Variants in SSX2IP observed in about 807,000 individuals in gnomAD.
SSX2IP encodes the protein SSX family member 2 interacting protein.
A neutral mutation model predicts 84.9 loss-of-function variants in SSX2IP; 55 were observed. The ratio of observed to expected loss-of-function variants is 0.65; its 90% confidence interval spans 0.52 to 0.81. The LOEUF is 0.81. SSX2IP is among the 30% of genes least tolerant of loss of function. The probability of loss-of-function intolerance (pLI) is 0.00; values close to 1 mark genes in which losing one functional copy is unlikely to be tolerated. For missense variants in SSX2IP, 664 were observed against 705.2 expected, an observed-to-expected ratio of 0.94 and a Z score of 0.66; for synonymous variants, 239 against 234.7, an observed-to-expected ratio of 1.02 and a Z score of -0.17.
At chr1:84,675,410 G>GT (rs1654189331) in intron 1 of SSX2IP, among the ~76,000 whole-genome samples, 1 of 152,200 alleles carries the variant, frequency 6.6e-6, no homozygotes, top group Non-Finnish European at 1.5e-5. Context: ...TGAAAGGCAA[G>GT]TAAGTCTTGG....
chr1:84,665,129 GAC>G (rs1171796803), intron 5 of SSX2IP, among the ~76,000 whole-genome samples: 1 of 152,162 alleles, frequency 6.6e-6, no homozygotes, highest in Non-Finnish European at 1.5e-5. Flanking sequence ...GGCAACTCCT[GAC>G]AGAGTATGTC....
chr1:84,652,036 A>G (rs758079139), intron 11 of SSX2IP, 39 bp from the exon 12 acceptor site: 47 of 1,441,712 alleles, frequency 3.3e-5, no homozygotes, highest in Non-Finnish European at 4.3e-5. Flanking sequence ...TCAATATTTC[A>G]ACATCCACAC....
chr1:84,655,262 G>C, intron 11 of SSX2IP: 5 of 949,352 alleles, frequency 5.3e-6, no homozygotes, highest in Non-Finnish European at 6.5e-6. Flanking sequence ...GGATGAGAAA[G>C]GAGGATACTT....
At position 84,657,981 on chromosome 1, in the gene SSX2IP, C is replaced by G. The variant is rs1369039839; in HGVS notation, c.1078+337G>C. 2.0e-5 allele frequency among the ~76,000 whole-genome samples: 3 copies of G among 151,888 alleles called. No individual in the cohort carries two copies. The East Asian group carries it at 5.8e-4, about 30-fold the overall frequency. On this transcript the variant is annotated intron_variant, in intron 9 of 13. Coordinates refer to ENST00000342203, the MANE Select transcript of SSX2IP (RefSeq NM_001166293.2). Reference sequence around the variant, plus strand: ...AAACCCCATCTCTACTAAAAACACACCAAAAAATTAGCTGGCTATGATGTG... The same window carrying G: ...AAACCCCATCTCTACTAAAAACACAGCAAAAAATTAGCTGGCTATGATGTG...
chr1:84,665,077 C>A (rs1161990151), intron 5 of SSX2IP, among the ~76,000 whole-genome samples: 1 of 152,132 alleles, frequency 6.6e-6, no homozygotes, highest in Non-Finnish European at 1.5e-5. Context: ...TACTAGGTGC[C>A]AGACACTGCT....
chr1:84,664,327 G>T (rs927854058), intron 6 of SSX2IP, 90 bp downstream of exon 6: 2 of 1,207,402 alleles, frequency 1.7e-6, no homozygotes, highest in African/African-American at 1.6e-5. Context: ...ATAACATTTC[G>T]TGAGTTACTG....
chr1:84,668,490 T>G (rs2102404902), intron 4 of SSX2IP, among the ~76,000 whole-genome samples: 1 of 152,200 alleles, frequency 6.6e-6, no homozygotes, highest in South Asian at 2.1e-4. Flanking sequence ...AAAACATTAT[T>G]AAGAGAAAAC....
At chr1:84,648,178 G>T (rs1333646149) in intron 13 of SSX2IP, among the ~76,000 whole-genome samples, 2 of 151,938 alleles carry the variant, frequency 1.3e-5, no homozygotes, top group African/African-American at 4.8e-5. Context: ...AATATAAACC[G>T]AGATCCAAAA....
chr1:84,645,962 A>T lies in SSX2IP; in HGVS notation c.*1471T>A, dbSNP rs2102094171. On this transcript the variant is annotated 3_prime_UTR_variant, in exon 14 of 14. Coordinates refer to ENST00000342203, the MANE Select transcript of SSX2IP (RefSeq NM_001166293.2). ...ATGATATCCTATCAGCCCTGAAAAA[A>T]TGGCTGCTGCTATGCAACTCCAAAG... 1 of 152,306 alleles carries T rather than the reference A, an allele frequency of 6.6e-6. No homozygotes were observed. Among genetic ancestry groups the T allele is most frequent in the East Asian group, 1.9e-4 (1 of 5,186 alleles). 9.4% of individuals were successfully genotyped at this position (152,306 alleles called of 1,614,324 possible). A position where few individuals can be genotyped will look rare whatever the true frequency, so the allele number is the denominator to read the frequency against.
At chr1:84,659,796 CAAA>C (rs35920871) in intron 8 of SSX2IP, among the ~76,000 whole-genome samples, 2 of 128,714 alleles carry the variant, frequency 1.6e-5, no homozygotes. Flanking sequence ...GACTCCATCT[CAAA>C]AAAAAAAAAA....
At chr1:84,670,851 G>T in intron 2 of SSX2IP, 36 bp from the exon 3 acceptor site, 1 of 1,521,172 alleles carries the variant, frequency 6.6e-7, no homozygotes, top group Non-Finnish European at 8.9e-7. Context: ...AAATAATTTA[G>T]AAAAACGTAT....
At position 84,658,424 on chromosome 1, in the gene SSX2IP, C is replaced by G. The variant is rs368076724; in HGVS notation, c.972G>C (p.Glu324Asp). ...VEEDAGELSR[E>D]SMWDLSCETV... ...TTTCACAGGAAAGGTCCCACATACTCTCTCTGCTTAGTTCCCCGGCATCTT... is the reference window on the plus strand; with the variant it reads ...TTTCACAGGAAAGGTCCCACATACTGTCTCTGCTTAGTTCCCCGGCATCTT... The change falls in exon 9 of 14, where the codon GAG (glutamate) becomes GAC (aspartate). Residue 324 changes from glutamate to aspartate, a missense_variant. Physicochemically the swap from Glu to Asp is conservative, Grantham distance 45 (BLOSUM62 2). Transcript: ENST00000342203. The G allele has an allele frequency of 3.7e-6, 6 of 1,614,120 alleles. No homozygotes were observed. The highest frequency in any genetic ancestry group is 5.1e-6 in the Non-Finnish European group (6 of 1,179,992).
chr1:84,647,397 T>C lies in SSX2IP; in HGVS notation c.*36A>G. 6 of 1,513,874 alleles carry C rather than the reference T, an allele frequency of 4.0e-6. No homozygotes were observed. The highest frequency in any genetic ancestry group is 2.8e-5 in the African/African-American group (2 of 72,114). The allele number at this position is 1,513,874 out of a possible 1,614,324, so 93.8% of individuals were successfully genotyped here. On this transcript the variant is annotated 3_prime_UTR_variant, in exon 14 of 14. Transcript: ENST00000342203. ...GTTTCAACTTAGATGTGAAACTTGA[T>C]GAACACATTAATGAAAAAAATTCCA...
rs773821128 is a variant in SSX2IP, at chr1:84,650,470, C to T, written c.1562G>A (p.Ser521Asn). 1.2e-4 allele frequency: 192 copies of T among 1,614,052 alleles called. No individual in the cohort carries two copies. In the Admixed American group the frequency reaches 3.1e-3, roughly 26 times the overall value. ...GCAAACTGGAGACCCATTAGACACA[C>T]TGTGAGGCTTCTTTTGCGGCTGCCT... is the stretch of plus-strand genomic sequence containing the variant. ...HSRQPQKKPH[S>N]VSNGSPVCMS... Residue 521 changes from serine to asparagine, a missense_variant, in exon 13 of 14, where the codon AGT (serine) becomes AAT (asparagine). Physicochemically the swap from Ser to Asn is conservative, Grantham distance 46. Transcript: ENST00000342203.
intron 4 of SSX2IP, 24 bp from the exon 5 acceptor site, chr1:84,666,256 G>A (rs760146691): frequency 3.2e-6 from 5 of 1,569,080 alleles, no homozygotes; most frequent in Non-Finnish European, 3.5e-6. Flanking sequence ...AAGCAATTTT[G>A]CTTAAAATTA....
chr1:84,656,353 A>G lies in SSX2IP; in HGVS notation c.1210T>C (p.Leu404=), dbSNP rs771141736. 1.9e-5 allele frequency: 30 copies of G among 1,610,562 alleles called. No homozygotes were observed. Among genetic ancestry groups the G allele is most frequent in the Non-Finnish European group, 2.5e-5 (30 of 1,179,014 alleles). ...AAAAGGTAATTCATATTCACCTGTA[A>G]AAGCTGTTGCTGAGTTTTAATCATT... ...KEMIKTQQQL[L]QQQLATAYDD... Residue 404 remains leucine, a synonymous_variant, in exon 10 of 14, where the codon TTA becomes CTA. Coordinates refer to ENST00000342203, the MANE Select transcript of SSX2IP (RefSeq NM_001166293.2).
Position 84,670,830 on chromosome 1 carries a change from G to C in SSX2IP, c.44-15C>G. 1 of 1,584,624 alleles carries C rather than the reference G, an allele frequency of 6.3e-7. No homozygotes were observed. The highest frequency in any genetic ancestry group is 8.6e-7 in the Non-Finnish European group (1 of 1,165,254). ...AGTTTTGCTTTCTGAAAGAATAAAAGGCATCTATATAAATAATTTAGAAAA... is the reference window on the plus strand; with the variant it reads ...AGTTTTGCTTTCTGAAAGAATAAAACGCATCTATATAAATAATTTAGAAAA... On this transcript the variant is annotated splice_polypyrimidine_tract_variant and intron_variant, in intron 2 of 13. Transcript: ENST00000342203.
Position 84,645,984 on chromosome 1 carries a change from A to G in SSX2IP, c.*1449T>C, listed in dbSNP as rs1410499361. ...AAAATGGCTGCTGCTATGCAACTCC[A>G]AAGAGTTACATAGTTACGTATAGTG... On this transcript the variant is annotated 3_prime_UTR_variant, in exon 14 of 14. Transcript: ENST00000342203. The G allele has an allele frequency of 6.6e-6, 1 of 152,318 alleles. No homozygotes were observed. The highest frequency in any genetic ancestry group is 1.5e-5 in the Non-Finnish European group (1 of 68,026). The allele number at this position is 152,318 out of a possible 1,614,324, so 9.4% of individuals were successfully genotyped here. A position where few individuals can be genotyped will look rare whatever the true frequency, so the allele number is the denominator to read the frequency against.
chr1:84,647,697 A>T, intron 13 of SSX2IP, 90 bp from the exon 14 acceptor site: 1 of 985,476 alleles, frequency 1.0e-6, no homozygotes, highest in Non-Finnish European at 1.3e-6. Context: ...AAAAAAAATA[A>T]GTTCCTTTTA....
Sources: allele counts gnomAD v4.1 joint callset (sites outside exome capture counted in the v4.1 genomes callset), GRCh38; gene constraint gnomAD v4.1.1; transcripts MANE v1.5; gene names NCBI Gene and HGNC (gene_info 2026-07-23, HGNC 2026-07-21).